The following LEPR variants were observed in gnomAD, a reference collection of about 807,000 sequenced individuals.
LEPR encodes the protein OB receptor.
A neutral mutation model predicts 114.7 loss-of-function variants in LEPR; 56 were observed. The observed-to-expected ratio is 0.49, with a 90% CI of 0.39 to 0.61. The LOEUF (loss-of-function observed/expected upper bound fraction) is 0.61. LEPR is among the 20% of genes least tolerant of loss of function. LEPR has a pLI of 0.00. For synonymous variants in LEPR, 443 were observed against 461.4 expected (o/e 0.96, Z 0.51); for missense variants, 1,202 against 1,352.9 (o/e 0.89, Z 1.75).
chr1:65,479,848 G>A (rs1647199183), intron 2 of LEPR, among the ~76,000 whole-genome samples: 1 of 151,884 alleles, frequency 6.6e-6, no homozygotes, highest in Admixed American at 6.6e-5. Context: ...GAAGGTTTAA[G>A]TTGAAAAAGA....
At chr1:65,486,665 C>T (rs1305422824) in intron 2 of LEPR, among the ~76,000 whole-genome samples, 1 of 152,140 alleles carries the variant, frequency 6.6e-6, no homozygotes, top group African/African-American at 2.4e-5. Flanking sequence ...GGAATTAAGA[C>T]CTATCTCTGG....
At chr1:65,426,373 A>G (rs1293940660) in intron 2 of LEPR, among the ~76,000 whole-genome samples, 1 of 152,172 alleles carries the variant, frequency 6.6e-6, no homozygotes, top group Non-Finnish European at 1.5e-5. Flanking sequence ...CCTGCCGTGT[A>G]GAGGAGGTTC....
At chr1:65,421,221 T>C (rs948903431) in intron 1 of LEPR, 2 of 1,199,376 alleles carry the variant, frequency 1.7e-6, no homozygotes, top group African/African-American at 3.1e-5. Flanking sequence ...CGCGGGCGGG[T>C]GTCAATGGAA....
intron 2 of LEPR, among the ~76,000 whole-genome samples, chr1:65,550,199 C>T (rs1260013033): frequency 1.3e-5 from 2 of 152,088 alleles, no homozygotes; most frequent in African/African-American, 2.4e-5. Context: ...AGTACCCGGC[C>T]GTGGGAGGTG....
intron 2 of LEPR, among the ~76,000 whole-genome samples, chr1:65,428,780 G>C (rs1278613429): frequency 2.6e-5 from 4 of 152,104 alleles, no homozygotes; most frequent in African/African-American, 7.2e-5. Context: ...GAGAAAAAAA[G>C]ATTATTTTTG....
Position 65,615,538 on chromosome 1 carries a change from C to T in LEPR, c.1996-470C>T, listed in dbSNP as rs574278043. The stretch of plus-strand genomic sequence containing the variant: ...TATCAGAGGAAAGGAAAATGAATGA[C>T]AAATCTTACTATGATCAATATATGA... On this transcript the variant is annotated intron_variant, in intron 14 of 19. Transcript: ENST00000349533. Among the ~76,000 whole-genome samples, 34 of 152,188 alleles carry T rather than the reference C, an allele frequency of 2.2e-4. 1 individual carries two copies. The South Asian group carries it at 6.8e-3, about 31-fold the overall frequency.
intron 2 of LEPR, chr1:65,435,016 G>C (rs1570442355): frequency 1.0e-6 from 1 of 985,330 alleles, no homozygotes; most frequent in East Asian, 1.1e-4. Context: ...CGTTTTTAGA[G>C]AATGCCTCAT....
chr1:65,456,622 A>G (rs985824427), intron 2 of LEPR, among the ~76,000 whole-genome samples: 1 of 152,218 alleles, frequency 6.6e-6, no homozygotes, highest in Admixed American at 6.5e-5. Flanking sequence ...TGAAATTAAT[A>G]GAGGTACTCT....
chr1:65,509,118 G>A (rs1415693609), intron 2 of LEPR, among the ~76,000 whole-genome samples: 1 of 152,032 alleles, frequency 6.6e-6, no homozygotes, highest in Non-Finnish European at 1.5e-5. Context: ...ATCTATAAGA[G>A]CATGTCATCA....
chr1:65,487,728 G>A (rs768975751), intron 2 of LEPR, among the ~76,000 whole-genome samples: 5 of 151,514 alleles, frequency 3.3e-5, no homozygotes, highest in Non-Finnish European at 7.4e-5. Flanking sequence ...AATTATCTTA[G>A]GTACATAATA....
intron 2 of LEPR, chr1:65,526,483 T>C (rs1649981932): frequency 3.2e-6 from 3 of 923,742 alleles, no homozygotes; most frequent in Admixed American, 6.2e-5. Flanking sequence ...GTGTTATTTC[T>C]AGAACTTGTG....
chr1:65,626,865 G>T (rs149335846), intron 19 of LEPR, among the ~76,000 whole-genome samples: 126 of 152,128 alleles, frequency 8.3e-4, no homozygotes, highest in African/African-American at 2.9e-3. Context: ...GAACTCCCAG[G>T]CTCAAGTGAT....
In LEPR at chr1:65,429,660, T is replaced by C. The variant is rs939198590; in HGVS notation, c.-21+4282T>C. Among the ~76,000 whole-genome samples the C allele has an allele frequency of 4.6e-5, 7 of 152,206 alleles. No individual in the cohort carries two copies. The East Asian group carries it at 1.2e-3, about 25-fold the overall frequency. On this transcript the variant is annotated intron_variant, in intron 2 of 19. Transcript: ENST00000349533. ...TATATAGTGGCTTCTTAACACAATA[T>C]AAGCTACCTACATAGTAATTTTAAA... is the stretch of plus-strand genomic sequence containing the variant.
chr1:65,633,680 A>G lies in LEPR; in HGVS notation c.2674-2511A>G. ...TTTTCCATTTTAGATTCCTTTATAGACACGTCAGCCTAAAAATCAGCCTAT... is the reference window on the plus strand; with the variant it reads ...TTTTCCATTTTAGATTCCTTTATAGGCACGTCAGCCTAAAAATCAGCCTAT... On this transcript the variant is annotated intron_variant, in intron 19 of 19. Coordinates refer to ENST00000349533, the MANE Select transcript of LEPR (RefSeq NM_002303.6). This position sits in a 1 kb window ranked among gnomAD's most constrained non-coding sequence, Gnocchi z 4.1. 1.0e-6 allele frequency: 1 copy of G among 985,728 alleles called. No homozygotes were observed. Among genetic ancestry groups the G allele is most frequent in the Admixed American group, 6.1e-5 (1 of 16,286 alleles). 61.1% of individuals were successfully genotyped at this position (985,728 alleles called of 1,614,324 possible).
intron 3 of LEPR, among the ~76,000 whole-genome samples, chr1:65,566,609 A>T (rs1464420663): frequency 6.6e-6 from 1 of 152,220 alleles, no homozygotes; most frequent in Non-Finnish European, 1.5e-5. Context: ...TTGTGTTCCA[A>T]GTTTTTGAAA....
chr1:65,582,292 C>T (rs922160898), intron 5 of LEPR, among the ~76,000 whole-genome samples: 2 of 152,164 alleles, frequency 1.3e-5, no homozygotes, highest in Admixed American at 6.5e-5. Context: ...TTCAGGGTCT[C>T]TTACAAATAC....
At chr1:65,571,724 C>T (rs1473126945) in intron 4 of LEPR, among the ~76,000 whole-genome samples, 6 of 133,114 alleles carry the variant, frequency 4.5e-5, no homozygotes, top group East Asian at 2.6e-4. Context: ...GAGGCCTAGG[C>T]GGGCGGATCA....
At chr1:65,597,932 T>C (rs1557686165) in intron 7 of LEPR, among the ~76,000 whole-genome samples, 1 of 107,250 alleles carries the variant, frequency 9.3e-6, no homozygotes, top group Non-Finnish European at 1.9e-5. Flanking sequence ...TATTAATATC[T>C]GATGTTGTTT....
intron 2 of LEPR, among the ~76,000 whole-genome samples, chr1:65,528,248 C>G (rs1223341617): frequency 6.6e-6 from 1 of 151,590 alleles, no homozygotes; most frequent in Non-Finnish European, 1.5e-5. Context: ...AGAGTATGTC[C>G]TGTGGAGTTA....
Sources: gnomAD v4.1 joint callset for allele counts (sites outside exome capture counted in the v4.1 genomes callset) on GRCh38, gnomAD v4.1.1 for gene constraint, Gnocchi (gnomAD v3.1) non-coding constraint, MANE v1.5 for transcripts, NCBI Gene and HGNC (gene_info 2026-07-23, HGNC 2026-07-21) for gene names.